MICAL1: variants seen among roughly 807,000 people sequenced by gnomAD.
MICAL1 encodes the protein microtubule associated monooxygenase, calponin and LIM domain containing 1.
Under a neutral mutation model 131.8 loss-of-function variants are expected in MICAL1, and 95 were observed. The ratio of observed to expected loss-of-function variants is 0.72; its 90% CI spans 0.61 to 0.86. MICAL1 has a LOEUF of 0.86. MICAL1 is among the 40% of genes least tolerant of loss of function. The pLI, the probability that MICAL1 is intolerant of heterozygous loss-of-function variation, is 0.00. For missense variants in MICAL1, 1,292 were observed against 1,380.6 expected (o/e 0.94, Z 1.02); for synonymous variants, 546 against 554.2 (o/e 0.99, Z 0.21).
chr6:109,453,778 C>T lies in MICAL1; in HGVS notation c.326G>A (p.Arg109Gln), dbSNP rs201163092. ...GGTGCGCTTTTCCACCAGCACCACT[C>T]GGGCCCCCAGCAGCGCCAGCTCCAC... ...VAVELALLGA[R>Q]VVLVEKRTKF... The change falls in exon 3 of 25, where the codon CGA becomes CAA. Residue 109 changes from arginine to glutamine, a missense_variant. Arg to Gln is a conservative substitution (Grantham distance 43). Transcript: ENST00000358807. 106 of 1,613,586 alleles carry T rather than the reference C, an allele frequency of 6.6e-5. No homozygotes were observed. The highest frequency in any genetic ancestry group is 3.1e-4 in the East Asian group (14 of 44,886).
chr6:109,448,010 T>C (rs1775316281), intron 13 of MICAL1, 47 bp from the exon 14 acceptor site: 4 of 1,541,274 alleles, frequency 2.6e-6, no homozygotes, highest in South Asian at 1.2e-5. Context: ...GTGCCAATAC[T>C]GTACTCTCAG....
chr6:109,454,305 G>A (rs1017873489), intron 1 of MICAL1, 66 bp from the exon 2 acceptor site: 24 of 1,436,894 alleles, frequency 1.7e-5, no homozygotes, highest in African/African-American at 4.3e-5. Context: ...AAGGGGAGGC[G>A]AAGAGAGCAG....
In MICAL1 at chr6:109,449,774, C is replaced by A; in HGVS notation, c.1317G>T (p.Leu439=). Residue 439 remains leucine, a synonymous_variant, in exon 10 of 25, where the codon CTG becomes CTT. Transcript: ENST00000358807. ...SLEVLAERES[L]YQLLSQTSPE... is the part of the protein sequence containing the mutation. ...GGGATGTCTGTGACAGAAGCTGGTA[C>A]AGGCTCTCACTGAGGGGGTGAGGGT... 6.2e-7 allele frequency: 1 copy of A among 1,608,838 alleles called. No homozygotes were observed. Among genetic ancestry groups the A allele is most frequent in the Non-Finnish European group, 8.5e-7 (1 of 1,177,444 alleles).
chr6:109,449,441 T>A lies in MICAL1; in HGVS notation c.1475A>T (p.Gln492Leu). 6.2e-7 allele frequency: 1 copy of A among 1,614,208 alleles called. No homozygotes were observed. The highest frequency in any genetic ancestry group is 1.1e-5 in the South Asian group (1 of 91,086). Residue 492 changes from glutamine to leucine, a missense_variant, in exon 11 of 25, where the codon CAG becomes CTG. By Grantham distance (113) the Gln-to-Leu change is moderately radical. Transcript: ENST00000358807. ...LYDVLAKEPV[Q>L]RNNDKTDTGM... ...TGTATCTGTCTTGTCGTTGTTCCTC[T>A]GCACAGGCTCCTTGGCTAGCACATC...
chr6:109,449,607 G>A (rs749234670), intron 10 of MICAL1, 50 bp downstream of exon 10: 23 of 1,594,878 alleles, frequency 1.4e-5, no homozygotes, highest in East Asian at 2.2e-5. Flanking sequence ...GCCTGACCTG[G>A]GGGAAGGGGG....
chr6:109,447,874 C>T lies in MICAL1; in HGVS notation c.1944+1G>A. On this transcript the variant is annotated splice_donor_variant, in intron 14 of 24. Transcript: ENST00000358807. LOFTEE classifies it high-confidence loss of function. Reference sequence around the variant, plus strand: ...GCTCCAGCCCTGCCTAAACTCTCCACCTTGGCCCGGGATCGCTGCAGGGTC... The same window carrying T: ...GCTCCAGCCCTGCCTAAACTCTCCATCTTGGCCCGGGATCGCTGCAGGGTC... 6.2e-7 allele frequency: 1 copy of T among 1,613,222 alleles called. No individual in the cohort carries two copies. The highest frequency in any genetic ancestry group is 8.5e-7 in the Non-Finnish European group (1 of 1,179,532).
chr6:109,444,893 T>TA lies in MICAL1; in HGVS notation c.2981+2dup. ...GCCACTGTCACCATCCCCTTCCCCT[T>TA]ACGTGATCATGAGCTCGGCCTCCTC... On this transcript the variant is annotated splice_region_variant and intron_variant, in intron 23 of 24. Transcript: ENST00000358807. 1.2e-6 allele frequency: 2 copies of TA among 1,614,174 alleles called. No homozygotes were observed. Among genetic ancestry groups the TA allele is most frequent in the South Asian group, 2.2e-5 (2 of 91,086 alleles).
upstream of MICAL1, among the ~76,000 whole-genome samples, chr6:109,457,323 GAC>G (rs1775777908): frequency 6.6e-6 from 1 of 152,078 alleles, no homozygotes; most frequent in Admixed American, 6.6e-5. Context: ...CCGAATATCA[GAC>G]ACACCCATAT....
At position 109,448,776 on chromosome 6, in the gene MICAL1, C is replaced by T. The variant is rs1487821957; in HGVS notation, c.1620G>A (p.Gly540=). ...GGTACACCAGGGCACACAGAGCTAG[C>T]CCATCAGCCCAGGAGGAAGACAAAT... ...VSDLSSSWAD[G]LALCALVYRL... Residue 540 remains glycine (G), a synonymous_variant, in exon 12 of 25, where the codon GGG becomes GGA. Transcript: ENST00000358807. 1 of 1,614,106 alleles carries T rather than the reference C, an allele frequency of 6.2e-7. No homozygotes were observed. The highest frequency in any genetic ancestry group is 1.3e-5 in the African/African-American group (1 of 75,034).
In MICAL1 at chr6:109,448,275, T is replaced by C. The variant is rs1262907239; in HGVS notation, c.1783A>G (p.Ser595Gly). 87 of 1,613,804 alleles carry C rather than the reference T, an allele frequency of 5.4e-5. No individual in the cohort carries two copies. Among genetic ancestry groups the C allele is most frequent in the Non-Finnish European group, 6.9e-5 (81 of 1,180,018 alleles). Residue 595 changes from serine to glycine, a missense_variant, in exon 13 of 25, where the codon AGT becomes GGT. Ser to Gly is a moderately conservative substitution (Grantham distance 56). Coordinates refer to ENST00000358807, the MANE Select transcript of MICAL1 (RefSeq NM_022765.4). Reference sequence around the variant, plus strand: ...TAGGCAATGAGGCCCAGTGGGTCACTCCCTGCTACCACGGCCTGTGCAGAC... The same window carrying C: ...TAGGCAATGAGGCCCAGTGGGTCACCCCCTGCTACCACGGCCTGTGCAGAC... ...VVSAQAVVAG[S>G]DPLGLIAYLS...
rs776230096 is a variant in MICAL1 at position 109,448,768 on chromosome 6, A to C, written c.1628T>G (p.Leu543Arg). 1.9e-5 allele frequency: 30 copies of C among 1,613,964 alleles called. No individual in the cohort carries two copies. The highest frequency in any genetic ancestry group is 2.4e-5 in the Non-Finnish European group (28 of 1,179,972). The change falls in exon 12 of 25, where the codon CTG (leucine) becomes CGG (arginine). Residue 543 changes from leucine (L) to arginine (R), a missense_variant. By Grantham distance (102) the Leu-to-Arg change is moderately radical. Transcript: ENST00000358807. ...LSSSWADGLA[L>R]CALVYRLQPG... The stretch of plus-strand genomic sequence containing the variant: ...CTGCAGCCGGTACACCAGGGCACAC[A>C]GAGCTAGCCCATCAGCCCAGGAGGA...
intron 9 of MICAL1, 27 bp from the exon 10 acceptor site, chr6:109,449,810 G>C: frequency 1.3e-6 from 2 of 1,596,910 alleles, no homozygotes; most frequent in Non-Finnish European, 1.7e-6. Context: ...AAGGGGCAGG[G>C]GCATGAATGG....
Position 109,444,966 on chromosome 6 carries a change from C to G in MICAL1, c.2911G>C (p.Val971Leu). 1 of 1,614,038 alleles carries G rather than the reference C, an allele frequency of 6.2e-7. No individual in the cohort carries two copies. Among genetic ancestry groups the G allele is most frequent in the Non-Finnish European group, 8.5e-7 (1 of 1,180,038 alleles). The change falls in exon 23 of 25, where the codon GTA (valine) becomes CTA (leucine). Residue 971 changes from valine (V) to leucine (L), a missense_variant. By Grantham distance (32) the Val-to-Leu change is conservative. Transcript: ENST00000358807. ...TCAACGAGCTGTAGCAGCTGTCCTACCCATAGTTTCTTTTGCTGTTCTGGG... is the reference window on the plus strand; with the variant it reads ...TCAACGAGCTGTAGCAGCTGTCCTAGCCATAGTTTCTTTTGCTGTTCTGGG... ...SSPEQQKKLWVGQLLQLVDKK... is the reference protein window; with the variant it reads ...SSPEQQKKLWLGQLLQLVDKK...
At chr6:109,454,743 CTG>C (rs1775678599) in intron 1 of MICAL1, 1 of 157,680 alleles carries the variant, frequency 6.3e-6, no homozygotes, top group South Asian at 1.8e-4. Flanking sequence ...CAGTGCCACG[CTG>C]TGTCTGAGAA....
upstream of MICAL1, chr6:109,455,948 T>C: frequency 1.0e-6 from 1 of 985,466 alleles, no homozygotes; most frequent in Non-Finnish European, 1.2e-6. This position sits in a 1 kb window ranked among gnomAD's most constrained non-coding sequence, Gnocchi z 4.7. Flanking sequence ...TCTCATTACT[T>C]CTGGATCCCT....
At chr6:109,463,100 T>C (rs997015689) in intron 1 of MICAL1, 16 of 152,102 alleles carry the variant, frequency 1.1e-4, no homozygotes, top group Non-Finnish European at 2.2e-4. Context: ...GATTCTCCTG[T>C]CTCAGCCTCC....
chr6:109,451,741 T>C (rs1281865834), intron 6 of MICAL1, 41 bp from the exon 7 acceptor site: 5 of 1,609,690 alleles, frequency 3.1e-6, no homozygotes, highest in Non-Finnish European at 4.2e-6. Flanking sequence ...TGTCTCCTGA[T>C]AATGCATCAC....
chr6:109,448,988 C>G, intron 11 of MICAL1, 109 bp from the exon 12 acceptor site: 1 of 1,422,506 alleles, frequency 7.0e-7, no homozygotes, highest in East Asian at 2.4e-5. Flanking sequence ...GAGTCAGGGA[C>G]CCACCTCTAC....
intron 1 of MICAL1, among the ~76,000 whole-genome samples, chr6:109,462,051 A>G (rs1425057401): frequency 6.6e-6 from 1 of 152,200 alleles, no homozygotes. Flanking sequence ...TAGGAGGTAA[A>G]TTGTGTCCCC....
Sources: allele counts gnomAD v4.1 joint callset (sites outside exome capture counted in the v4.1 genomes callset), GRCh38; gene constraint gnomAD v4.1.1; non-coding constraint Gnocchi (gnomAD v3.1); transcripts MANE v1.5; gene names NCBI Gene and HGNC (gene_info 2026-07-23, HGNC 2026-07-21).